SHROOM3: variants seen among roughly 807,000 people sequenced by gnomAD.
SHROOM3 encodes shroom family member 3, also known as protein Shroom3.
In SHROOM3, 47 loss-of-function variants were observed where a neutral mutation model predicts 138.6. The ratio of observed to expected loss-of-function variants is 0.34; its 90% CI spans 0.27 to 0.43. SHROOM3 has a LOEUF of 0.43. SHROOM3 is among the 20% of genes least tolerant of loss of function. The probability of loss-of-function intolerance (pLI) is 1.00; values close to 1 mark genes in which losing one functional copy is unlikely to be tolerated. For synonymous variants in SHROOM3, 1,062 were observed against 1,063.3 expected, an observed-to-expected ratio of 1.00 and a Z score of 0.02; for missense variants, 2,491 against 2,596.5, an observed-to-expected ratio of 0.96 and a Z score of 0.88.
At chr4:76,701,544 T>TTGGGAAGTGCTTTATAAGCTA (rs1288353258) in intron 2 of SHROOM3, among the ~76,000 whole-genome samples, 2 of 152,202 alleles carry the variant, frequency 1.3e-5, no homozygotes, top group African/African-American at 4.8e-5. Flanking sequence ...GAAATAATGT[T>TTGGGAAGTGCTTTATAAGCTA]TGGGAAGTGC....
In SHROOM3 at chr4:76,739,090, A is replaced by G; in HGVS notation, c.917A>G (p.Tyr306Cys). 6.2e-7 allele frequency: 1 copy of G among 1,614,230 alleles called. No homozygotes were observed. The highest frequency in any genetic ancestry group is 8.5e-7 in the Non-Finnish European group (1 of 1,180,034). The change falls in exon 5 of 11, where the codon TAT becomes TGT. Residue 306 changes from tyrosine to cysteine, a missense_variant. Physicochemically the swap from Tyr to Cys is radical, Grantham distance 194. Around this residue, in one of 4 missense-constraint regions of SHROOM3, gnomAD observed 1,733 missense variants for 1,661.6 expected, o/e 1.04. Transcript: ENST00000296043. ...GGGATGAGGCAGGCAGATATTCGCT[A>G]TGTCAAGACAGTCTATGACACCCGG... ...LEGMRQADIR[Y>C]VKTVYDTRRG...
intron 9 of SHROOM3, among the ~76,000 whole-genome samples, chr4:76,770,324 C>CAAAAAAAAAAAAA: frequency 2.8e-5 from 1 of 36,100 alleles, no homozygotes; most frequent in Non-Finnish European, 6.1e-5. Flanking sequence ...AACTCTGTCT[C>CAAAAAAAAAAAAA]AAAAAAAAAA....
In SHROOM3 at chr4:76,664,480, T is replaced by C. The variant is rs536791293; in HGVS notation, c.324-45676T>C. Among the ~76,000 whole-genome samples the C allele has an allele frequency of 6.6e-6, 1 of 152,318 alleles. No individual in the cohort carries two copies. Among genetic ancestry groups the C allele is most frequent in the East Asian group, 1.9e-4 (1 of 5,192 alleles). The stretch of plus-strand genomic sequence containing the variant: ...GCACATGACAATGATCTTGACAGCT[T>C]TTAAAAATAATGATGCCTGTGCTAC... On this transcript the variant is annotated intron_variant, in intron 2 of 10. Transcript: ENST00000296043. The surrounding 1 kb of genome is among the most constrained non-coding windows in gnomAD (Gnocchi z 4.2).
chr4:76,729,246 C>T (rs982843242), intron 3 of SHROOM3, among the ~76,000 whole-genome samples: 1 of 152,054 alleles, frequency 6.6e-6, no homozygotes, highest in African/African-American at 2.4e-5. Context: ...TGGATTAGAA[C>T]CCAGGTTTTT....
chr4:76,634,451 G>T (rs771814349), intron 2 of SHROOM3, among the ~76,000 whole-genome samples: 1 of 152,152 alleles, frequency 6.6e-6, no homozygotes, highest in Non-Finnish European at 1.5e-5. Context: ...GCTTTAATTG[G>T]TATGTAGAGG....
intron 4 of SHROOM3, 121 bp from the exon 5 acceptor site, chr4:76,738,640 A>T: frequency 8.3e-7 from 1 of 1,199,398 alleles, no homozygotes; most frequent in Non-Finnish European, 1.2e-6. Flanking sequence ...GGCCCTTTTT[A>T]CCCACCCTTC....
intron 2 of SHROOM3, among the ~76,000 whole-genome samples, chr4:76,667,565 C>A (rs886498340): frequency 6.6e-6 from 1 of 152,128 alleles, no homozygotes; most frequent in African/African-American, 2.4e-5. Context: ...CCTTCCTCCT[C>A]AGCCTCCCAA....
intron 2 of SHROOM3, among the ~76,000 whole-genome samples, chr4:76,574,515 C>A (rs758088222): frequency 1.2e-4 from 19 of 152,098 alleles, no homozygotes; most frequent in Non-Finnish European, 2.6e-4. Flanking sequence ...TCTACCAACG[C>A]CTTTCTTACC....
At chr4:76,669,893 C>T (rs893698411) in intron 2 of SHROOM3, among the ~76,000 whole-genome samples, 18 of 152,224 alleles carry the variant, frequency 1.2e-4, no homozygotes, top group African/African-American at 4.3e-4. Context: ...CATCCATGTG[C>T]CTACCTGCCA....
At chr4:76,463,452 G>A (rs999399396) in intron 1 of SHROOM3, among the ~76,000 whole-genome samples, 1 of 152,198 alleles carries the variant, frequency 6.6e-6, no homozygotes, top group African/African-American at 2.4e-5. Flanking sequence ...GAGCATAAAA[G>A]ATTGGAAAAT....
chr4:76,441,197 C>T (rs1730670494), intron 1 of SHROOM3, among the ~76,000 whole-genome samples: 2 of 147,372 alleles, frequency 1.4e-5, no homozygotes, highest in African/African-American at 4.9e-5. Flanking sequence ...TGGGTTCACG[C>T]CATTCTCCTG....
At position 76,660,483 on chromosome 4, in the gene SHROOM3, TA is replaced by T. The variant is rs747724471; in HGVS notation, c.324-49671del. Among the ~76,000 whole-genome samples the T allele has an allele frequency of 1.3e-3, 191 of 152,178 alleles. 1 individual carries two copies. Among genetic ancestry groups the T allele is most frequent in the South Asian group, 6.7e-3 (32 of 4,810 alleles). Reference sequence around the variant, plus strand: ...CATTATTTTTTATATTTATTTTAATTAATTTTTTTTAAGATGGAGTCTTGCT... The same window carrying T: ...CATTATTTTTTATATTTATTTTAATTATTTTTTTTAAGATGGAGTCTTGCT... On this transcript the variant is annotated intron_variant, in intron 2 of 10. Transcript: ENST00000296043.
At chr4:76,552,556 A>G (rs1733387856) in intron 1 of SHROOM3, among the ~76,000 whole-genome samples, 1 of 150,762 alleles carries the variant, frequency 6.6e-6, no homozygotes, top group South Asian at 2.1e-4. Flanking sequence ...TAATATATGT[A>G]TATAGACATA....
At chr4:76,691,761 C>T (rs1719548696) in intron 2 of SHROOM3, among the ~76,000 whole-genome samples, 1 of 152,174 alleles carries the variant, frequency 6.6e-6, no homozygotes, top group East Asian at 1.9e-4. Context: ...TGTGTTAAAT[C>T]TGGTTACATT....
At chr4:76,567,150 G>A (rs1418852521) in intron 2 of SHROOM3, among the ~76,000 whole-genome samples, 1 of 152,320 alleles carries the variant, frequency 6.6e-6, no homozygotes, top group Admixed American at 6.5e-5. Context: ...TACATGTGGG[G>A]ACAGTTGCTT....
At chr4:76,470,616 T>C (rs1400179564) in intron 1 of SHROOM3, among the ~76,000 whole-genome samples, 2 of 152,200 alleles carry the variant, frequency 1.3e-5, no homozygotes, top group Non-Finnish European at 2.9e-5. Context: ...TGGAACAGGA[T>C]TGACCTGGCT....
At chr4:76,749,652 G>A (rs76761886) in intron 6 of SHROOM3, among the ~76,000 whole-genome samples, 218 of 152,266 alleles carry the variant, frequency 1.4e-3, no homozygotes, top group African/African-American at 4.8e-3. Flanking sequence ...TGTAAGCATC[G>A]GAGGTGAAAA....
intron 2 of SHROOM3, among the ~76,000 whole-genome samples, chr4:76,665,825 C>T (rs1368923654): frequency 6.6e-6 from 1 of 152,178 alleles, no homozygotes; most frequent in South Asian, 2.1e-4. Context: ...TTCAAAACCT[C>T]TCTCTCCTGT....
intron 2 of SHROOM3, among the ~76,000 whole-genome samples, chr4:76,707,289 G>A (rs1451644180): frequency 6.6e-6 from 1 of 152,208 alleles, no homozygotes; most frequent in Non-Finnish European, 1.5e-5. Flanking sequence ...GTGAGTGGTT[G>A]ACAGTCCGAA....
Sources: gnomAD v4.1 joint callset for allele counts (sites outside exome capture counted in the v4.1 genomes callset) on GRCh38, gnomAD v4.1.1 for gene constraint, gnomAD v4.1.1 regional missense constraint, Gnocchi (gnomAD v3.1) non-coding constraint, MANE v1.5 for transcripts, NCBI Gene and HGNC (gene_info 2026-07-23, HGNC 2026-07-21) for gene names.